The following ITPR1 variants were observed in gnomAD, a reference collection of about 807,000 sequenced individuals.
The protein encoded by ITPR1 is inositol 1,4,5-trisphosphate-gated calcium channel ITPR1.
Under a neutral mutation model 318.4 loss-of-function variants are expected in ITPR1, and 96 were observed. The observed-to-expected ratio is 0.30, with a 90% CI of 0.26 to 0.36. The LOEUF is 0.36. Ranked by LOEUF, ITPR1 falls within the 10% of genes least tolerant of loss-of-function variation. ITPR1 has a pLI of 1.00. For missense variants in ITPR1, 2,440 were observed against 3,460.2 expected, an observed-to-expected ratio of 0.71 and a Z score of 7.40; for synonymous variants, 1,312 against 1,289.9, an observed-to-expected ratio of 1.02 and a Z score of -0.37.
chr3:4,629,774 G>C (rs1157745745), intron 5 of ITPR1, among the ~76,000 whole-genome samples: 1 of 152,226 alleles, frequency 6.6e-6, no homozygotes, highest in Non-Finnish European at 1.5e-5. Context: ...ATCGGTCTTT[G>C]CTGGATAAGA....
chr3:4,819,801 A>G (rs1236160257), intron 60 of ITPR1, among the ~76,000 whole-genome samples: 3 of 152,232 alleles, frequency 2.0e-5, no homozygotes, highest in Non-Finnish European at 4.4e-5. Context: ...AGATTAGCAG[A>G]AAGAAAGGAG....
chr3:4,730,462 G>A (rs1261514347), intron 42 of ITPR1, among the ~76,000 whole-genome samples: 1 of 150,566 alleles, frequency 6.6e-6, no homozygotes, highest in African/African-American at 2.4e-5. Flanking sequence ...CTCTTATGGG[G>A]GAAAATGTAC....
intron 4 of ITPR1, among the ~76,000 whole-genome samples, chr3:4,612,851 C>T (rs1223628403): frequency 6.6e-6 from 1 of 152,186 alleles, no homozygotes; most frequent in Non-Finnish European, 1.5e-5. Flanking sequence ...CCTGCTCCTG[C>T]ACTCCAGCCT....
intron 10 of ITPR1, among the ~76,000 whole-genome samples, chr3:4,650,644 T>C (rs564840014): frequency 0.13 from 3,489 of 26,522 alleles, 153 homozygotes; most frequent in African/African-American, 0.21. Context: ...TGTGTGTGTG[T>C]GCGCGCGTCT....
intron 26 of ITPR1, among the ~76,000 whole-genome samples, 189 bp from the exon 27 acceptor site, chr3:4,683,197 C>T (rs1038274315): frequency 2.0e-5 from 3 of 152,272 alleles, no homozygotes; most frequent in Non-Finnish European, 4.4e-5. Flanking sequence ...CTTCCTTGTC[C>T]CCTCACCTCA....
In ITPR1 at chr3:4,779,456, C is replaced by T. The variant is rs368166765; in HGVS notation, c.6292-94C>T. 40 of 855,318 alleles carry T rather than the reference C, an allele frequency of 4.7e-5. No homozygotes were observed. In the Middle Eastern group the frequency reaches 1.5e-3, roughly 32 times the overall value. 53.0% of individuals were successfully genotyped at this position (855,318 alleles called of 1,614,324 possible). The stretch of plus-strand genomic sequence containing the variant: ...GGGGTGAAATGTTCGTCTGTTTAGC[C>T]GGGATGCCTCCCATGTGCCAGTTGG... On this transcript the variant is annotated intron_variant, in intron 48 of 61. Coordinates refer to ENST00000649015, the MANE Select transcript of ITPR1 (RefSeq NM_001378452.1). The surrounding 1 kb of genome is among the most constrained non-coding windows in gnomAD (Gnocchi z 4.0).
intron 42 of ITPR1, among the ~76,000 whole-genome samples, chr3:4,730,508 G>T (rs1489496906): frequency 6.6e-6 from 1 of 151,658 alleles, no homozygotes; most frequent in South Asian, 2.1e-4. Flanking sequence ...AACTGCTAGG[G>T]TTTTTCTGTT....
rs866253250 is a variant in ITPR1, at chr3:4,829,962, T to G, written c.8029-6812T>G. On this transcript the variant is annotated intron_variant, in intron 60 of 61. Transcript: ENST00000649015. ...TTAAAACATGTATAACAGTTTTTTT[T>G]TTTTTTTTTTTTTTTTTGTGTGTGT... Among the ~76,000 whole-genome samples, 53 of 93,370 alleles carry G rather than the reference T, an allele frequency of 5.7e-4. 2 individuals are homozygous for G. The East Asian group carries it at 0.012, about 20-fold the overall frequency. The allele number at this position is 93,370 out of a possible 152,430, so 61.3% of individuals were successfully genotyped here. A position where few individuals can be genotyped will look rare whatever the true frequency, so the allele number is the denominator to read the frequency against.
intron 35 of ITPR1, among the ~76,000 whole-genome samples, chr3:4,700,642 G>C (rs1311578566): frequency 1.3e-5 from 2 of 152,150 alleles, no homozygotes; most frequent in African/African-American, 4.8e-5. Flanking sequence ...GAGGATTTTA[G>C]GAAAAAAGCA....
At chr3:4,795,243 T>G in intron 53 of ITPR1, 56 bp downstream of exon 53, 1 of 1,565,428 alleles carries the variant, frequency 6.4e-7, no homozygotes, top group Non-Finnish European at 8.7e-7. Flanking sequence ...AGGCTAGGAC[T>G]TGCATCTCAG....
At chr3:4,713,415 G>A (rs1559753573) in intron 39 of ITPR1, among the ~76,000 whole-genome samples, 1 of 152,206 alleles carries the variant, frequency 6.6e-6, no homozygotes, top group Non-Finnish European at 1.5e-5. Flanking sequence ...CTTACAAGTT[G>A]TGATTATACA....
chr3:4,649,832 G>A (rs1002144655), intron 10 of ITPR1, among the ~76,000 whole-genome samples: 2 of 152,222 alleles, frequency 1.3e-5, no homozygotes, highest in Admixed American at 6.5e-5. Flanking sequence ...GGCAGAAAGA[G>A]AGGGGACTTT....
rs145235778 is a variant in ITPR1 at position 4,717,480 on chromosome 3, T to C, written c.5136+81T>C. 3.6e-4 allele frequency: 392 copies of C among 1,102,766 alleles called. 1 individual carries two copies. The African/African-American group carries it at 5.3e-3, about 15-fold the overall frequency. 68.3% of individuals were successfully genotyped at this position (1,102,766 alleles called of 1,614,324 possible). A position where few individuals can be genotyped will look rare whatever the true frequency, so the allele number is the denominator to read the frequency against. Reference sequence around the variant, plus strand: ...CCTTCCCAGTTAGCCCTGTGATCCTTCCTCTAGTCTCACAGCGTCGAGTAT... The same window carrying C: ...CCTTCCCAGTTAGCCCTGTGATCCTCCCTCTAGTCTCACAGCGTCGAGTAT... On this transcript the variant is annotated intron_variant, in intron 40 of 61. Transcript: ENST00000649015.
intron 4 of ITPR1, among the ~76,000 whole-genome samples, chr3:4,589,261 T>C (rs1338628609): frequency 6.6e-6 from 1 of 152,208 alleles, no homozygotes; most frequent in Admixed American, 6.5e-5. Context: ...GTACTTACCT[T>C]TACTGTTTGC....
At chr3:4,678,828 G>A (rs988612654) in intron 24 of ITPR1, among the ~76,000 whole-genome samples, 2 of 152,194 alleles carry the variant, frequency 1.3e-5, no homozygotes, top group African/African-American at 4.8e-5. Context: ...TCAGTGGGCA[G>A]TTCTTGCTGA....
intron 53 of ITPR1, 133 bp from the exon 54 acceptor site, chr3:4,800,292 A>C (rs1402198755): frequency 1.0e-5 from 8 of 783,858 alleles, no homozygotes; most frequent in African/African-American, 1.8e-5. Context: ...TGGGGCAGAG[A>C]ATTTGAGGTG....
chr3:4,784,832 G>T (rs1033531924), intron 51 of ITPR1, among the ~76,000 whole-genome samples: 4 of 152,138 alleles, frequency 2.6e-5, no homozygotes, highest in Admixed American at 6.5e-5. Context: ...AGGAGGCGGG[G>T]ATTGCAGTGG....
chr3:4,618,402 T>TA (rs2092468188), intron 4 of ITPR1, among the ~76,000 whole-genome samples: 1 of 152,252 alleles, frequency 6.6e-6, no homozygotes, highest in South Asian at 2.1e-4. Context: ...TTTGTCAACT[T>TA]ACTGTTATTG....
Position 4,740,758 on chromosome 3 carries a change from A to G in ITPR1, c.5544+5404A>G, listed in dbSNP as rs112836084. Among the ~76,000 whole-genome samples the G allele has an allele frequency of 6.8e-3, 1,030 of 152,226 alleles. 15 individuals are homozygous for G. Among genetic ancestry groups the G allele is most frequent in the African/African-American group, 0.024 (1,002 of 41,530 alleles). On this transcript the variant is annotated intron_variant, in intron 44 of 61. Coordinates refer to ENST00000649015, the MANE Select transcript of ITPR1 (RefSeq NM_001378452.1). ...TGGCTGCCATCAGAGCAGGCTTCAC[A>G]TTGAACCCTCCGCTTATGGGAACAA...
Sources: allele counts gnomAD v4.1 joint callset (sites outside exome capture counted in the v4.1 genomes callset), GRCh38; gene constraint gnomAD v4.1.1; non-coding constraint Gnocchi (gnomAD v3.1); transcripts MANE v1.5; gene names NCBI Gene and HGNC (gene_info 2026-07-23, HGNC 2026-07-21).